Variants in SPOCK3 observed in about 807,000 individuals in gnomAD.
SPOCK3 encodes the protein SPARC (osteonectin), cwcv and kazal like domains proteoglycan 3.
A neutral mutation model predicts 56.6 loss-of-function variants in SPOCK3; 30 were observed. The observed-to-expected ratio is 0.53, with a 90% CI of 0.40 to 0.72. The LOEUF (loss-of-function observed/expected upper bound fraction) is 0.72. Ranked by LOEUF, SPOCK3 falls within the 30% of genes least tolerant of loss-of-function variation. The probability of loss-of-function intolerance (pLI) is 0.00; values close to 1 mark genes in which losing one functional copy is unlikely to be tolerated. For missense variants in SPOCK3, 527 were observed against 530.0 expected (o/e 0.99, Z 0.06); for synonymous variants, 196 against 183.3 (o/e 1.07, Z -0.56).
intron 6 of SPOCK3, among the ~76,000 whole-genome samples, chr4:166,852,099 A>C (rs1159882852): frequency 1.3e-5 from 2 of 151,428 alleles, no homozygotes; most frequent in Non-Finnish European, 2.9e-5. Context: ...TTGAACAATG[A>C]GAACACATGG....
intron 2 of SPOCK3, among the ~76,000 whole-genome samples, chr4:167,116,750 A>G (rs1390855840): frequency 3.7e-5 from 5 of 133,448 alleles, no homozygotes; most frequent in Admixed American, 3.1e-4. Flanking sequence ...GTATATATAC[A>G]TATGTATATA....
At chr4:167,001,923 A>G (rs910787688) in intron 3 of SPOCK3, among the ~76,000 whole-genome samples, 2 of 152,026 alleles carry the variant, frequency 1.3e-5, no homozygotes, top group African/African-American at 4.8e-5. Context: ...TAAAGTGAAT[A>G]TATTTTGATA....
intron 4 of SPOCK3, among the ~76,000 whole-genome samples, chr4:166,934,458 A>C (rs549739338): frequency 1.3e-5 from 2 of 152,082 alleles, no homozygotes; most frequent in Admixed American, 6.5e-5. Flanking sequence ...AGATCGCGCC[A>C]CTGCGCTTCA....
chr4:167,168,111 G>A (rs1323387830), intron 2 of SPOCK3, among the ~76,000 whole-genome samples: 1 of 152,144 alleles, frequency 6.6e-6, no homozygotes, highest in African/African-American at 2.4e-5. Flanking sequence ...CAGCCATGTG[G>A]ACCTGTGAGT....
chr4:167,101,398 T>A (rs929860562), intron 2 of SPOCK3, among the ~76,000 whole-genome samples: 2 of 152,092 alleles, frequency 1.3e-5, no homozygotes, highest in Non-Finnish European at 1.5e-5. Context: ...ACAACCACTC[T>A]CATCAAAATC....
chr4:167,066,097 G>T (rs1008112347), intron 2 of SPOCK3, among the ~76,000 whole-genome samples: 1 of 151,794 alleles, frequency 6.6e-6, no homozygotes, highest in Non-Finnish European at 1.5e-5. Context: ...CATAAAAATT[G>T]GGTTTATGTG....
chr4:167,176,603 C>A (rs533578786), intron 2 of SPOCK3, among the ~76,000 whole-genome samples: 200 of 152,116 alleles, frequency 1.3e-3, no homozygotes, highest in African/African-American at 4.5e-3. Context: ...TGCATAAAGA[C>A]AAGTGCTTCC....
intron 6 of SPOCK3, among the ~76,000 whole-genome samples, chr4:166,857,144 T>A (rs959215593): frequency 6.6e-6 from 1 of 152,152 alleles, no homozygotes; most frequent in African/African-American, 2.4e-5. Flanking sequence ...ATATGGAAGA[T>A]AGTTTGTCTT....
chr4:166,919,462 A>G (rs928862718), intron 4 of SPOCK3, among the ~76,000 whole-genome samples: 1 of 152,206 alleles, frequency 6.6e-6, no homozygotes, highest in Non-Finnish European at 1.5e-5. Flanking sequence ...CAAAATTTCA[A>G]TAGGCATCAC....
At chr4:167,055,718 A>C (rs894558755) in intron 3 of SPOCK3, among the ~76,000 whole-genome samples, 1 of 152,192 alleles carries the variant, frequency 6.6e-6, no homozygotes, top group Admixed American at 6.5e-5. Context: ...GCAGTCTGAG[A>C]TCAAACTGCA....
At chr4:167,234,205 G>T (rs970650755) in intron 1 of SPOCK3, 32 bp from the exon 2 acceptor site, 18 of 1,460,354 alleles carry the variant, frequency 1.2e-5, no homozygotes, top group Non-Finnish European at 1.4e-5. Flanking sequence ...GGGGTGGGGG[G>T]GCATGTCAGT....
At chr4:166,779,090 G>C (rs778536064) in intron 7 of SPOCK3, among the ~76,000 whole-genome samples, 1 of 152,106 alleles carries the variant, frequency 6.6e-6, no homozygotes, top group Non-Finnish European at 1.5e-5. Flanking sequence ...ACTGAATTGA[G>C]ATTGAAGCTG....
At chr4:166,837,196 T>G (rs1746709686) in intron 6 of SPOCK3, among the ~76,000 whole-genome samples, 1 of 152,350 alleles carries the variant, frequency 6.6e-6, no homozygotes, top group South Asian at 2.1e-4. Context: ...TGGCTGATTT[T>G]AGGTGTGTAA....
rs1158308060 is a variant in SPOCK3 at position 166,741,847 on chromosome 4, A to C, written c.994+150T>G. 6 of 595,484 alleles carry C rather than the reference A, an allele frequency of 1.0e-5. No individual in the cohort carries two copies. In the Admixed American group the frequency reaches 1.8e-4, roughly 18 times the overall value. 36.9% of individuals were successfully genotyped at this position (595,484 alleles called of 1,614,324 possible). On this transcript the variant is annotated intron_variant, in intron 9 of 10. Transcript: ENST00000357545. ...TTCAATAGGTAAGGTAATAAAAGTA[A>C]GTTTAATGGCTTTCAAAAAGTTCAT...
At chr4:167,123,975 G>A (rs1762080095) in intron 2 of SPOCK3, among the ~76,000 whole-genome samples, 1 of 151,952 alleles carries the variant, frequency 6.6e-6, no homozygotes, top group African/African-American at 2.4e-5. Flanking sequence ...TCGAACTCCT[G>A]ACCTCGTGAT....
Position 166,741,984 on chromosome 4 carries a change from A to T in SPOCK3, c.994+13T>A. 1 of 1,590,288 alleles carries T rather than the reference A, an allele frequency of 6.3e-7. No homozygotes were observed. ...AAGCAATAAAGCCTTCAGAAGAATG[A>T]TCTATTACTCACCTAGGAGCTTCTT... On this transcript the variant is annotated intron_variant, in intron 9 of 10. Coordinates refer to ENST00000357545, the MANE Select transcript of SPOCK3 (RefSeq NM_001040159.2).
intron 4 of SPOCK3, among the ~76,000 whole-genome samples, chr4:166,989,707 C>T (rs902778840): frequency 6.6e-6 from 1 of 152,104 alleles, no homozygotes; most frequent in African/African-American, 2.4e-5. Flanking sequence ...TATTTTTCCA[C>T]CATCAATGTA....
At chr4:166,798,142 T>C (rs1005762232) in intron 6 of SPOCK3, among the ~76,000 whole-genome samples, 1 of 152,232 alleles carries the variant, frequency 6.6e-6, no homozygotes, top group Non-Finnish European at 1.5e-5. Context: ...ATCATTATAA[T>C]AAACAACTAT....
At chr4:167,005,495 G>A (rs1426235907) in intron 3 of SPOCK3, among the ~76,000 whole-genome samples, 1 of 151,888 alleles carries the variant, frequency 6.6e-6, no homozygotes, top group Non-Finnish European at 1.5e-5. Context: ...TTACAGGTGT[G>A]AGCCACCGCG....
Sources: gnomAD v4.1 joint callset for allele counts (sites outside exome capture counted in the v4.1 genomes callset) on GRCh38, gnomAD v4.1.1 for gene constraint, MANE v1.5 for transcripts, NCBI Gene and HGNC (gene_info 2026-07-23, HGNC 2026-07-21) for gene names.